The following TNNI3K variants were observed in gnomAD, a reference collection of about 807,000 sequenced individuals.
TNNI3K encodes the protein serine/threonine-protein kinase TNNI3K.
TNNI3K carries 140 observed loss-of-function variants against 114.5 expected under a neutral mutation model. That is an observed-to-expected ratio of 1.22 (90% CI 1.07 to 1.41). The LOEUF is 1.41. TNNI3K is among the 40% of genes most tolerant of loss of function. The probability of loss-of-function intolerance (pLI) is 0.00; values close to 1 mark genes in which losing one functional copy is unlikely to be tolerated. For synonymous variants in TNNI3K, 347 were observed against 347.5 expected (o/e 1.00, Z 0.02); for missense variants, 1,125 against 1,007.6 (o/e 1.12, Z -1.58).
At chr1:74,433,080 C>A (rs929191158) in intron 17 of TNNI3K, among the ~76,000 whole-genome samples, 1 of 152,108 alleles carries the variant, frequency 6.6e-6, no homozygotes, top group Non-Finnish European at 1.5e-5. Context: ...CTGCCACCAT[C>A]TCTGTCACTG....
At chr1:74,516,866 C>T (rs1054980240) in intron 23 of TNNI3K, among the ~76,000 whole-genome samples, 1 of 152,052 alleles carries the variant, frequency 6.6e-6, no homozygotes, top group Non-Finnish European at 1.5e-5. Flanking sequence ...GATGAAATGC[C>T]CTTATTGCCA....
At chr1:74,437,004 C>A (rs950782203) in intron 19 of TNNI3K, among the ~76,000 whole-genome samples, 2 of 151,898 alleles carry the variant, frequency 1.3e-5, no homozygotes, top group African/African-American at 4.8e-5. Context: ...GATAATTGTA[C>A]TCAAAATGTC....
intron 6 of TNNI3K, among the ~76,000 whole-genome samples, chr1:74,332,209 A>T (rs1039033851): frequency 6.6e-6 from 1 of 152,046 alleles, no homozygotes; most frequent in African/African-American, 2.4e-5. Context: ...TTGCCACATG[A>T]CTGAGCTTAT....
chr1:74,317,865 C>T (rs144640788), intron 5 of TNNI3K, among the ~76,000 whole-genome samples: 3 of 152,284 alleles, frequency 2.0e-5, no homozygotes, highest in African/African-American at 4.8e-5. Flanking sequence ...CAGATGGACC[C>T]GCTGATCAAT....
intron 5 of TNNI3K, among the ~76,000 whole-genome samples, chr1:74,292,716 T>G (rs1657756703): frequency 6.6e-6 from 1 of 151,628 alleles, no homozygotes; most frequent in African/African-American, 2.4e-5. Context: ...TTGATCAAGG[T>G]CTTAATTGTG....
At chr1:74,542,467 T>C (rs1646738267) in intron 24 of TNNI3K, among the ~76,000 whole-genome samples, 1 of 152,220 alleles carries the variant, frequency 6.6e-6, no homozygotes, top group Admixed American at 6.5e-5. Context: ...TGCTGATATG[T>C]ATCCTACTGC....
At chr1:74,253,640 G>C (rs568076886) in intron 4 of TNNI3K, among the ~76,000 whole-genome samples, 16 of 152,082 alleles carry the variant, frequency 1.1e-4, no homozygotes, top group African/African-American at 3.6e-4. Context: ...CTCGGAGTGC[G>C]GGCCCGCCAA....
At chr1:74,409,704 G>A (rs938943235) in intron 17 of TNNI3K, among the ~76,000 whole-genome samples, 4 of 151,882 alleles carry the variant, frequency 2.6e-5, no homozygotes, top group South Asian at 2.1e-4. Flanking sequence ...TTGTTGGCCA[G>A]GCTGGTCTCG....
intron 7 of TNNI3K, chr1:74,341,944 G>A (rs1660766960): frequency 6.6e-6 from 1 of 152,176 alleles, no homozygotes; most frequent in African/African-American, 2.4e-5. Context: ...CTCATATGAT[G>A]TGTTGATTGG....
intron 17 of TNNI3K, among the ~76,000 whole-genome samples, chr1:74,417,598 A>G (rs967978868): frequency 1.3e-5 from 2 of 151,894 alleles, no homozygotes; most frequent in Non-Finnish European, 2.9e-5. Context: ...CCCAACTTAT[A>G]CTGGCATCTA....
chr1:74,331,509 C>T lies in TNNI3K; in HGVS notation c.504C>T (p.Phe168=). ...TCAATATTCAAGATGCAGTTTTTTT[C>T]ACTCCATTGCATATTGCAGCGTACT... ...ANVNIQDAVF[F]TPLHIAAYYG... Residue 168 remains phenylalanine, a synonymous_variant, in exon 6 of 25, where the codon TTC becomes TTT. Coordinates refer to ENST00000326637, the MANE Select transcript of TNNI3K (RefSeq NM_015978.3). 2 of 1,613,684 alleles carry T rather than the reference C, an allele frequency of 1.2e-6. No individual in the cohort carries two copies. Among genetic ancestry groups the T allele is most frequent in the Non-Finnish European group, 1.7e-6 (2 of 1,179,814 alleles).
intron 21 of TNNI3K, chr1:74,471,408 G>A (rs1343286233): frequency 7.5e-6 from 3 of 400,684 alleles, no homozygotes; most frequent in Non-Finnish European, 8.8e-6. Context: ...ATTGCTTTGG[G>A]AGACTTGACA....
chr1:74,457,161 C>G (rs545583026), intron 20 of TNNI3K, among the ~76,000 whole-genome samples: 61 of 152,226 alleles, frequency 4.0e-4, no homozygotes, highest in African/African-American at 1.4e-3. Flanking sequence ...TAATCCTTAT[C>G]AGTTTATCAC....
chr1:74,523,514 A>T (rs1246833561), intron 23 of TNNI3K, among the ~76,000 whole-genome samples: 1 of 61,562 alleles, frequency 1.6e-5, no homozygotes, highest in African/African-American at 4.2e-5. Flanking sequence ...GACTCACTTA[A>T]AAAAAAAGGC....
rs529391525 is a variant in TNNI3K at position 74,369,146 on chromosome 1, CG to C, written c.1414+34del. 1.4e-3 allele frequency: 2,175 copies of C among 1,596,652 alleles called. 3 individuals are homozygous for C. The highest frequency in any genetic ancestry group is 1.6e-3 in the Non-Finnish European group (1,897 of 1,172,456). ...TAAAATAAATAAATAAATAAAGGTCCGGTTTAGTTGAATGAGCTTAAGTTAA... is the reference window on the plus strand; with the variant it reads ...TAAAATAAATAAATAAATAAAGGTCCGTTTAGTTGAATGAGCTTAAGTTAA... On this transcript the variant is annotated intron_variant, in intron 14 of 24. Transcript: ENST00000326637.
At chr1:74,403,824 G>A (rs1321986234) in intron 17 of TNNI3K, among the ~76,000 whole-genome samples, 3 of 152,152 alleles carry the variant, frequency 2.0e-5, no homozygotes, top group African/African-American at 7.2e-5. Context: ...CTTGGCTGAA[G>A]TCCATGCTAA....
chr1:74,526,042 G>A (rs879749910), intron 23 of TNNI3K, among the ~76,000 whole-genome samples: 9 of 152,246 alleles, frequency 5.9e-5, no homozygotes, highest in African/African-American at 1.9e-4. Context: ...GTATACATTC[G>A]CTTAAAACAA....
intron 20 of TNNI3K, among the ~76,000 whole-genome samples, chr1:74,449,549 G>T (rs980011118): frequency 6.6e-6 from 1 of 151,934 alleles, no homozygotes; most frequent in Non-Finnish European, 1.5e-5. Context: ...AAAATAAAAG[G>T]ATGGAGGAAG....
In TNNI3K at chr1:74,394,872, G is replaced by A. The variant is rs373195766; in HGVS notation, c.1772+24480G>A. 1.3e-3 allele frequency among the ~76,000 whole-genome samples: 203 copies of A among 151,938 alleles called. 4 individuals are homozygous for A. In the South Asian group the frequency reaches 0.039, roughly 29 times the overall value. The stretch of plus-strand genomic sequence containing the variant: ...ATCCTGGCTAACATGGTGAAACCCC[G>A]TCTCTACTAAAAATACAAACAATTA... On this transcript the variant is annotated intron_variant, in intron 17 of 24. Transcript: ENST00000326637.
Sources: gnomAD v4.1 joint callset for allele counts (sites outside exome capture counted in the v4.1 genomes callset) on GRCh38, gnomAD v4.1.1 for gene constraint, MANE v1.5 for transcripts, NCBI Gene and HGNC (gene_info 2026-07-23, HGNC 2026-07-21) for gene names.